SPAG16: variants seen among roughly 807,000 people sequenced by gnomAD.
The protein encoded by SPAG16 is sperm-associated antigen 16 protein.
A neutral mutation model predicts 80.4 loss-of-function variants in SPAG16; 86 were observed. The observed-to-expected ratio is 1.07, with a 90% CI of 0.90 to 1.28. SPAG16 has a LOEUF of 1.28. Among genes scored for constraint, SPAG16 ranks in the 50% most tolerant of loss-of-function variants. SPAG16 has a pLI of 0.00. For synonymous variants in SPAG16, 294 were observed against 265.9 expected (o/e 1.11, Z -1.03); for missense variants, 870 against 765.3 (o/e 1.14, Z -1.61).
intron 1 of SPAG16, among the ~76,000 whole-genome samples, chr2:213,293,577 G>T (rs1000030722): frequency 6.6e-6 from 1 of 152,208 alleles, no homozygotes; most frequent in African/African-American, 2.4e-5. Context: ...AAGAACTGAG[G>T]TCTTCTGGGA....
chr2:213,293,899 A>ACTTT lies in SPAG16; in HGVS notation c.137-2165_137-2164insCTTT, dbSNP rs1485278404. ...CCAAGCTAATTAACCTATTTACCTC[A>ACTTT]TATAGTTACCTTTTCACTTTTATAT... On this transcript the variant is annotated intron_variant, in intron 1 of 15. Transcript: ENST00000331683. Among the ~76,000 whole-genome samples the ACTTT allele has an allele frequency of 5.4e-4, 83 of 152,320 alleles. 3 individuals carry two copies. In the South Asian group the frequency reaches 6.2e-3, roughly 11 times the overall value.
chr2:214,138,541 A>G (rs932184247), intron 14 of SPAG16, among the ~76,000 whole-genome samples: 1 of 152,134 alleles, frequency 6.6e-6, no homozygotes, highest in Non-Finnish European at 1.5e-5. Flanking sequence ...ATATTTGAGG[A>G]CCATACATCC....
At chr2:213,357,875 G>A (rs1232430148) in intron 7 of SPAG16, among the ~76,000 whole-genome samples, 1 of 152,228 alleles carries the variant, frequency 6.6e-6, no homozygotes, top group Non-Finnish European at 1.5e-5. Context: ...AATTTGGCAT[G>A]TTTTTGCAGT....
intron 15 of SPAG16, chr2:214,239,334 G>A (rs1327336324): frequency 1.3e-5 from 2 of 152,092 alleles, no homozygotes; most frequent in African/African-American, 4.8e-5. Context: ...ATCATTTTTA[G>A]TGCACAGTTT....
intron 15 of SPAG16, among the ~76,000 whole-genome samples, chr2:214,167,991 T>A (rs1026612764): frequency 1.4e-5 from 2 of 141,642 alleles, no homozygotes; most frequent in African/African-American, 5.2e-5. Flanking sequence ...TTTTTCTTTT[T>A]CTCTTTTTTT....
intron 12 of SPAG16, among the ~76,000 whole-genome samples, chr2:214,011,780 A>T (rs2047291987): frequency 6.6e-6 from 1 of 152,162 alleles, no homozygotes; most frequent in Non-Finnish European, 1.5e-5. Flanking sequence ...TGTAATACTT[A>T]GCTTTGATGA....
intron 12 of SPAG16, among the ~76,000 whole-genome samples, chr2:213,951,236 T>A (rs1464960402): frequency 6.6e-6 from 1 of 152,158 alleles, no homozygotes; most frequent in Non-Finnish European, 1.5e-5. Flanking sequence ...TTTTAGGAAG[T>A]ATAAAATGTA....
chr2:213,921,656 T>C (rs1400682212), intron 11 of SPAG16, among the ~76,000 whole-genome samples: 2 of 152,234 alleles, frequency 1.3e-5, no homozygotes, highest in African/African-American at 4.8e-5. Flanking sequence ...TGTATTTTTG[T>C]AGTGGCTGAT....
chr2:214,187,448 G>A (rs754572655), intron 15 of SPAG16, among the ~76,000 whole-genome samples: 8 of 152,074 alleles, frequency 5.3e-5, no homozygotes, highest in Non-Finnish European at 1.0e-4. Context: ...TTAAATCTAA[G>A]TACTCATTCA....
At chr2:213,666,374 C>T (rs1372123842) in intron 10 of SPAG16, among the ~76,000 whole-genome samples, 5 of 152,022 alleles carry the variant, frequency 3.3e-5, no homozygotes, top group Non-Finnish European at 7.4e-5. Flanking sequence ...TAATCTTCAG[C>T]TTGGCATATA....
intron 15 of SPAG16, chr2:214,241,503 G>C (rs1468410995): frequency 1.3e-5 from 2 of 151,898 alleles, no homozygotes; most frequent in African/African-American, 4.8e-5. Flanking sequence ...CTTTTGTGTT[G>C]TCATAACCCT....
intron 9 of SPAG16, among the ~76,000 whole-genome samples, chr2:213,409,566 A>C (rs1249116321): frequency 3.3e-5 from 5 of 152,222 alleles, no homozygotes; most frequent in African/African-American, 4.8e-5. Context: ...CTTTAACAAA[A>C]ATTATAAAAG....
Position 213,483,992 on chromosome 2 carries a change from TAAG to T in SPAG16, c.943-5967_943-5965del, listed in dbSNP as rs765585566. 3.3e-5 allele frequency among the ~76,000 whole-genome samples: 5 copies of T among 152,292 alleles called. No individual in the cohort carries two copies. In the East Asian group the frequency reaches 5.8e-4, roughly 18 times the overall value. On this transcript the variant is annotated intron_variant, in intron 9 of 15. Transcript: ENST00000331683. Reference sequence around the variant, plus strand: ...TCTGTTCGTTAGTTTATGACACAAATAAGAAGTTTAGTCAAGAAATATAATGTT... The same window carrying T: ...TCTGTTCGTTAGTTTATGACACAAATAAGTTTAGTCAAGAAATATAATGTT...
chr2:214,198,339 A>T (rs957388365), intron 15 of SPAG16, among the ~76,000 whole-genome samples: 8 of 152,092 alleles, frequency 5.3e-5, no homozygotes, highest in African/African-American at 1.9e-4. Flanking sequence ...TACAAGTGAG[A>T]TTATACAAAA....
In SPAG16 at chr2:214,186,223, C is replaced by A. The variant is rs1379301023; in HGVS notation, c.1720+36957C>A. ...ACCACAGAACTGTGTTGAATAAGCT[C>A]CCCACTGCCACAGGAGGAGTCTCAT... On this transcript the variant is annotated intron_variant, in intron 15 of 15. Coordinates refer to ENST00000331683, the MANE Select transcript of SPAG16 (RefSeq NM_024532.5). Among the ~76,000 whole-genome samples, 3 of 152,248 alleles carry A rather than the reference C, an allele frequency of 2.0e-5. No individual in the cohort carries two copies. In the East Asian group the frequency reaches 5.8e-4, roughly 29 times the overall value.
intron 9 of SPAG16, among the ~76,000 whole-genome samples, chr2:213,387,429 CTCTTTTTTTTTTTTTTT>C (rs2067488103): frequency 1.4e-5 from 1 of 71,760 alleles, no homozygotes; most frequent in South Asian, 7.2e-4. Flanking sequence ...GAAATGCATG[CTCTTTTTTTTTTTTTTT>C]TTTTTTTTTT....
intron 9 of SPAG16, among the ~76,000 whole-genome samples, chr2:213,383,847 T>G (rs2067296788): frequency 6.6e-6 from 1 of 152,200 alleles, no homozygotes; most frequent in African/African-American, 2.4e-5. Flanking sequence ...CCCTTCAGAC[T>G]ATTTTATGAC....
At chr2:213,699,016 AG>A (rs1270242364) in intron 10 of SPAG16, among the ~76,000 whole-genome samples, 2 of 152,028 alleles carry the variant, frequency 1.3e-5, no homozygotes, top group Non-Finnish European at 2.9e-5. Context: ...TTCCTCTCTA[AG>A]TTCTGTTTCT....
intron 10 of SPAG16, among the ~76,000 whole-genome samples, chr2:213,730,129 G>A (rs2066961866): frequency 1.3e-5 from 2 of 152,238 alleles, no homozygotes; most frequent in Non-Finnish European, 2.9e-5. Context: ...AGTTGATTAA[G>A]CTCGTCCACT....
Sources: gnomAD v4.1 joint callset for allele counts (sites outside exome capture counted in the v4.1 genomes callset) on GRCh38, gnomAD v4.1.1 for gene constraint, MANE v1.5 for transcripts, NCBI Gene and HGNC (gene_info 2026-07-23, HGNC 2026-07-21) for gene names.